The following FGD3 variants were observed in gnomAD, a reference collection of about 807,000 sequenced individuals.
The protein encoded by FGD3 is FYVE, RhoGEF and PH domain-containing protein 3.
In FGD3, 45 loss-of-function variants were observed where a neutral mutation model predicts 71.8. The observed-to-expected ratio is 0.63, with a 90% CI of 0.49 to 0.80. The LOEUF (loss-of-function observed/expected upper bound fraction) is 0.80, where lower values mean the gene tolerates loss of function less well. Ranked by LOEUF, FGD3 falls within the 30% of genes least tolerant of loss-of-function variation. FGD3 has a pLI of 0.00. For synonymous variants in FGD3, 378 were observed against 392.8 expected, an observed-to-expected ratio of 0.96 and a Z score of 0.44; for missense variants, 844 against 951.5, an observed-to-expected ratio of 0.89 and a Z score of 1.49.
In FGD3 at chr9:93,035,353, C is replaced by T. The variant is rs552738104; in HGVS notation, c.1942C>T (p.Arg648Cys). 9 of 1,609,950 alleles carry T rather than the reference C, an allele frequency of 5.6e-6. No homozygotes were observed. The highest frequency in any genetic ancestry group is 2.2e-5 in the East Asian group (1 of 44,756). ...TCTGCTGCAGGACGGCCGGCTGCCCCGCACCATCCCTCTCCCCAGCTGCAA... is the reference window on the plus strand; with the variant it reads ...TCTGCTGCAGGACGGCCGGCTGCCCTGCACCATCCCTCTCCCCAGCTGCAA... ...QGGSQDGRLP[R>C]TIPLPSCKLS... is the part of the protein sequence containing the mutation. Residue 648 changes from arginine (R) to cysteine (C), a missense_variant, in exon 18 of 18, where the codon CGC (arginine) becomes TGC (cysteine). Physicochemically the swap from Arg to Cys is radical, Grantham distance 180 (BLOSUM62 -3). Transcript: ENST00000375482.
intron 1 of FGD3, among the ~76,000 whole-genome samples, chr9:92,950,333 C>T (rs1054755491): frequency 1.3e-5 from 2 of 151,692 alleles, no homozygotes; most frequent in Non-Finnish European, 2.9e-5. Context: ...AGGAGAATGG[C>T]TTGAACCCGG....
At chr9:93,000,928 T>C (rs1313550446) in intron 3 of FGD3, among the ~76,000 whole-genome samples, 1 of 152,286 alleles carries the variant, frequency 6.6e-6, no homozygotes, top group South Asian at 2.1e-4. Flanking sequence ...CATATATTGA[T>C]CTACTTGATA....
At chr9:93,000,992 A>G (rs1439202385) in intron 3 of FGD3, among the ~76,000 whole-genome samples, 1 of 147,108 alleles carries the variant, frequency 6.8e-6, no homozygotes. Context: ...TTTTTTTCTT[A>G]TCTGACTCTA....
intron 3 of FGD3, among the ~76,000 whole-genome samples, chr9:92,986,490 C>G (rs749997755): frequency 2.6e-5 from 4 of 152,140 alleles, no homozygotes; most frequent in Admixed American, 6.5e-5. Context: ...TCATGGAAAG[C>G]CTTTATATGC....
intron 14 of FGD3, among the ~76,000 whole-genome samples, chr9:93,026,806 G>T (rs751668835): frequency 1.3e-5 from 2 of 152,228 alleles, no homozygotes; most frequent in African/African-American, 2.4e-5. Context: ...CCATGGGCAC[G>T]CCCTGTGTTG....
intron 1 of FGD3, among the ~76,000 whole-genome samples, chr9:92,956,168 G>T (rs1859047181): frequency 6.6e-6 from 1 of 152,076 alleles, no homozygotes; most frequent in African/African-American, 2.4e-5. Flanking sequence ...CATTTTCTTT[G>T]TAGACAGTCA....
intron 3 of FGD3, among the ~76,000 whole-genome samples, chr9:92,987,779 G>A (rs77573162): frequency 0.063 from 9,531 of 152,260 alleles, 401 homozygotes; most frequent in East Asian, 0.16. Context: ...TTGTGAGCAT[G>A]CTCACTTGAG....
chr9:92,976,796 C>A, intron 3 of FGD3, 87 bp downstream of exon 3: 1 of 1,350,114 alleles, frequency 7.4e-7, no homozygotes, highest in Non-Finnish European at 1.0e-6. Flanking sequence ...TCATCCCACA[C>A]CTTGTTTCCA....
At chr9:92,984,781 A>G (rs1340133806) in intron 3 of FGD3, among the ~76,000 whole-genome samples, 1 of 152,008 alleles carries the variant, frequency 6.6e-6, no homozygotes, top group South Asian at 2.1e-4. Context: ...GGTCTCTTAA[A>G]TAATGTAAAG....
intron 3 of FGD3, among the ~76,000 whole-genome samples, chr9:92,996,749 A>G (rs541316979): frequency 6.7e-4 from 102 of 152,340 alleles, no homozygotes; most frequent in African/African-American, 2.4e-3. Context: ...GTAGTCATTC[A>G]GGAGCAGGTT....
At chr9:92,989,919 GTTT>G (rs55714845) in intron 3 of FGD3, among the ~76,000 whole-genome samples, 14 of 106,524 alleles carry the variant, frequency 1.3e-4, no homozygotes, top group Non-Finnish European at 2.3e-4. Context: ...CCTTGTAGAG[GTTT>G]TTTTTTTTTT....
intron 7 of FGD3, 38 bp downstream of exon 7, chr9:93,010,422 G>A (rs1861271760): frequency 6.4e-6 from 10 of 1,573,456 alleles, no homozygotes; most frequent in Non-Finnish European, 7.8e-6. Context: ...GGGTGCAGGG[G>A]CACCTGCCAA....
Position 92,985,976 on chromosome 9 carries a change from G to A in FGD3, c.453+9267G>A, listed in dbSNP as rs529386507. ...TAGGGCATCCCCCATTCATCCTTAGGGTTCCAGAATGAACCAGTCTTACTG... is the reference window on the plus strand; with the variant it reads ...TAGGGCATCCCCCATTCATCCTTAGAGTTCCAGAATGAACCAGTCTTACTG... On this transcript the variant is annotated intron_variant, in intron 3 of 17. Transcript: ENST00000375482. 1.1e-3 allele frequency among the ~76,000 whole-genome samples: 166 copies of A among 152,154 alleles called. 2 individuals are homozygous for A. Among genetic ancestry groups the A allele is most frequent in the Non-Finnish European group, 1.2e-3 (83 of 68,006 alleles).
intron 6 of FGD3, 72 bp downstream of exon 6, chr9:93,006,252 A>G: frequency 1.4e-6 from 2 of 1,406,226 alleles, no homozygotes; most frequent in East Asian, 2.6e-5. Flanking sequence ...TATTTTTTAA[A>G]AACATATGTA....
Position 92,976,442 on chromosome 9 carries a change from G to A in FGD3, c.186G>A (p.Thr62=), listed in dbSNP as rs201749173. 5.0e-5 allele frequency: 81 copies of A among 1,611,752 alleles called. No individual in the cohort carries two copies. The highest frequency in any genetic ancestry group is 6.6e-5 in the Non-Finnish European group (78 of 1,179,380). Residue 62 remains threonine, a synonymous_variant, in exon 3 of 18, where the codon ACG becomes ACA. Transcript: ENST00000375482. Reference sequence around the variant, plus strand: ...ACGGCTCTCCAGACATAGGCCCCACGGGAGAGCTGAGTGGTAGCTTAAAGA... The same window carrying A: ...ACGGCTCTCCAGACATAGGCCCCACAGGAGAGCTGAGTGGTAGCTTAAAGA... The part of the protein sequence containing the change: ...AGDGSPDIGP[T]GELSGSLKIP...
At chr9:92,974,534 G>C (rs952697670) in intron 1 of FGD3, 11 of 152,380 alleles carry the variant, frequency 7.2e-5, no homozygotes, top group African/African-American at 2.6e-4. Flanking sequence ...GAGCTGGTCG[G>C]CATCCACAGC....
At chr9:92,989,745 GGT>G (rs758728791) in intron 3 of FGD3, among the ~76,000 whole-genome samples, 2 of 152,122 alleles carry the variant, frequency 1.3e-5, no homozygotes, top group Non-Finnish European at 2.9e-5. Context: ...CATAAGATGA[GGT>G]AAACATAGGG....
At chr9:93,006,845 G>A (rs1204886065) in intron 6 of FGD3, among the ~76,000 whole-genome samples, 4 of 151,366 alleles carry the variant, frequency 2.6e-5, no homozygotes, top group Non-Finnish European at 4.4e-5. Flanking sequence ...TCCTGCCTCA[G>A]CCTCCCGAGT....
chr9:93,020,192 G>T, intron 12 of FGD3, 125 bp from the exon 13 acceptor site: 2 of 843,790 alleles, frequency 2.4e-6, no homozygotes, highest in Non-Finnish European at 3.6e-6. Flanking sequence ...GAGATGGCCA[G>T]TGGCCTGGGC....
Sources: gnomAD v4.1 joint callset for allele counts (sites outside exome capture counted in the v4.1 genomes callset) on GRCh38, gnomAD v4.1.1 for gene constraint, MANE v1.5 for transcripts, NCBI Gene and HGNC (gene_info 2026-07-23, HGNC 2026-07-21) for gene names.